KPNA1: variants seen among roughly 807,000 people sequenced by gnomAD.
KPNA1 encodes importin subunit alpha-5.
KPNA1 carries 10 observed loss-of-function variants against 70.5 expected under a neutral mutation model. The ratio of observed to expected loss-of-function variants is 0.14; its 90% CI spans 0.09 to 0.24. The LOEUF is 0.24. Ranked by LOEUF, KPNA1 falls within the 10% of genes least tolerant of loss-of-function variation. KPNA1 has a pLI of 1.00. For missense variants in KPNA1, 397 were observed against 637.9 expected (o/e 0.62, Z 4.07); for synonymous variants, 192 against 221.9 (o/e 0.87, Z 1.20).
chr3:122,487,049 G>C (rs1458018445), intron 2 of KPNA1, among the ~76,000 whole-genome samples: 1 of 152,168 alleles, frequency 6.6e-6, no homozygotes, highest in Non-Finnish European at 1.5e-5. Context: ...AAAGCAGAAG[G>C]AATGATCACT....
At chr3:122,430,058 G>C (rs990863530) in intron 12 of KPNA1, among the ~76,000 whole-genome samples, 1 of 151,724 alleles carries the variant, frequency 6.6e-6, no homozygotes, top group Non-Finnish European at 1.5e-5. Context: ...TATCTCAACT[G>C]TATTTTTATT....
At chr3:122,480,773 G>A (rs1257095512) in intron 2 of KPNA1, among the ~76,000 whole-genome samples, 1 of 152,092 alleles carries the variant, frequency 6.6e-6, no homozygotes, top group Admixed American at 6.5e-5. Context: ...GATCACTTGA[G>A]GCCAGGAGTT....
At chr3:122,442,643 A>C (rs1199498085) in intron 9 of KPNA1, 1 of 153,328 alleles carries the variant, frequency 6.5e-6, no homozygotes, top group Non-Finnish European at 1.5e-5. Flanking sequence ...ACCACTCCAC[A>C]AAGCCATATA....
At chr3:122,491,663 C>T (rs894802374) in intron 2 of KPNA1, among the ~76,000 whole-genome samples, 3 of 152,080 alleles carry the variant, frequency 2.0e-5, no homozygotes, top group Admixed American at 6.6e-5. Flanking sequence ...CAAGCGAAAA[C>T]GTCTCAGCAT....
intron 8 of KPNA1, among the ~76,000 whole-genome samples, chr3:122,450,649 T>C (rs912781520): frequency 5.9e-5 from 9 of 152,206 alleles, no homozygotes; most frequent in African/African-American, 1.2e-4. Context: ...TTTTACACTG[T>C]TGCTGGGAAT....
chr3:122,479,529 G>A lies in KPNA1; in HGVS notation c.130-12100C>T, dbSNP rs1032876454. ...AATCCCAGCACTTTGGGAGGCCGAG[G>A]CAGGTGGATCACCTGAGGTCAGGAG... On this transcript the variant is annotated intron_variant, in intron 2 of 13. Transcript: ENST00000344337. Among the ~76,000 whole-genome samples, 4 of 152,310 alleles carry A rather than the reference G, an allele frequency of 2.6e-5. No homozygotes were observed. In the South Asian group the frequency reaches 8.3e-4, roughly 32 times the overall value.
At chr3:122,476,377 T>G (rs2076497544) in intron 2 of KPNA1, among the ~76,000 whole-genome samples, 1 of 152,152 alleles carries the variant, frequency 6.6e-6, no homozygotes, top group Admixed American at 6.6e-5. Flanking sequence ...AATGATTTTT[T>G]GGATGGAACC....
At chr3:122,445,918 A>G (rs1048542035) in intron 9 of KPNA1, among the ~76,000 whole-genome samples, 2 of 152,182 alleles carry the variant, frequency 1.3e-5, no homozygotes, top group Non-Finnish European at 2.9e-5. Context: ...ATCAAAAGAG[A>G]CAAAGAAAGC....
At position 122,422,467 on chromosome 3, in the gene KPNA1, G is replaced by A. The variant is rs979001336; in HGVS notation, c.*4518C>T. ...ACACTCCAGTCTGTGTAACCTAAAA[G>A]CAACTTAAGCCTGATTTCGTCATTT... is the stretch of plus-strand genomic sequence containing the variant. On this transcript the variant is annotated 3_prime_UTR_variant, in exon 14 of 14. Coordinates refer to ENST00000344337, the MANE Select transcript of KPNA1 (RefSeq NM_002264.4). 2.6e-5 allele frequency: 4 copies of A among 152,012 alleles called. No individual in the cohort carries two copies. The South Asian group carries it at 6.2e-4, about 24-fold the overall frequency. The allele number at this position is 152,012 out of a possible 1,614,324, so 9.4% of individuals were successfully genotyped here.
intron 1 of KPNA1, among the ~76,000 whole-genome samples, chr3:122,514,245 C>T (rs970821438): frequency 6.6e-6 from 1 of 152,100 alleles, no homozygotes; most frequent in African/African-American, 2.4e-5. Context: ...CTCCGGGCCG[C>T]CGGCTCCGAC....
At chr3:122,468,661 A>G (rs568288133) in intron 2 of KPNA1, among the ~76,000 whole-genome samples, 54 of 152,368 alleles carry the variant, frequency 3.5e-4, no homozygotes, top group African/African-American at 1.3e-3. Context: ...TATCGGACCA[A>G]GAATTTAAAA....
intron 10 of KPNA1, among the ~76,000 whole-genome samples, chr3:122,439,611 C>CTT (rs2076037441): frequency 6.6e-6 from 1 of 152,152 alleles, no homozygotes; most frequent in Non-Finnish European, 1.5e-5. Context: ...CTTACAGGCA[C>CTT]TAAAGCAGCT....
At chr3:122,487,231 C>T (rs1336490970) in intron 2 of KPNA1, among the ~76,000 whole-genome samples, 1 of 152,156 alleles carries the variant, frequency 6.6e-6, no homozygotes, top group Non-Finnish European at 1.5e-5. Flanking sequence ...GACATTTCTC[C>T]AAAGACATAC....
chr3:122,462,775 T>C (rs1181011084), intron 4 of KPNA1, among the ~76,000 whole-genome samples: 1 of 152,180 alleles, frequency 6.6e-6, no homozygotes, highest in African/African-American at 2.4e-5. Context: ...ATATATTAAA[T>C]TTTTTTAAAT....
At chr3:122,493,586 G>A (rs563430936) in intron 2 of KPNA1, among the ~76,000 whole-genome samples, 3 of 152,170 alleles carry the variant, frequency 2.0e-5, no homozygotes, top group Admixed American at 6.5e-5. Flanking sequence ...ACAAGGGCAC[G>A]GTTTGAAAAA....
intron 1 of KPNA1, among the ~76,000 whole-genome samples, chr3:122,504,794 G>A (rs995047788): frequency 1.3e-5 from 2 of 152,128 alleles, no homozygotes; most frequent in African/African-American, 4.8e-5. Context: ...TAGACTTTGG[G>A]TGAGAGAGAG....
intron 2 of KPNA1, among the ~76,000 whole-genome samples, chr3:122,478,171 A>AG (rs1182854298): frequency 4.0e-5 from 6 of 151,260 alleles, no homozygotes; most frequent in South Asian, 2.1e-4. Context: ...AAAAAAAAAA[A>AG]AAAAAGAAAA....
chr3:122,499,452 T>C (rs1241198891), intron 1 of KPNA1, among the ~76,000 whole-genome samples: 2 of 124,998 alleles, frequency 1.6e-5, no homozygotes, highest in Non-Finnish European at 3.8e-5. Flanking sequence ...TTTTTTTTTC[T>C]TTTTTTTTAA....
intron 4 of KPNA1, among the ~76,000 whole-genome samples, chr3:122,463,516 T>TA (rs532512930): frequency 0.088 from 12,134 of 137,142 alleles, 551 homozygotes; most frequent in Middle Eastern, 0.15. Flanking sequence ...GAGCCGTCTT[T>TA]AAAAAAAAAA....
Sources: gnomAD v4.1 joint callset for allele counts (sites outside exome capture counted in the v4.1 genomes callset) on GRCh38, gnomAD v4.1.1 for gene constraint, MANE v1.5 for transcripts, NCBI Gene and HGNC (gene_info 2026-07-23, HGNC 2026-07-21) for gene names.